The following ALK variants were observed in gnomAD, a reference collection of about 807,000 sequenced individuals.
ALK encodes the protein ALK receptor tyrosine kinase, also known as ALK tyrosine kinase receptor.
ALK carries 74 observed loss-of-function variants against 163.1 expected under a neutral mutation model. The observed-to-expected ratio is 0.45, with a 90% confidence interval of 0.38 to 0.55. The LOEUF is 0.55. ALK is among the 20% of genes least tolerant of loss of function. The probability of loss-of-function intolerance (pLI) is 0.00; values close to 1 mark genes in which losing one functional copy is unlikely to be tolerated. For synonymous variants in ALK, 960 were observed against 843.2 expected (o/e 1.14, Z -2.40); for missense variants, 2,063 against 2,105.3 (o/e 0.98, Z 0.39).
intron 4 of ALK, among the ~76,000 whole-genome samples, chr2:29,517,502 G>C (rs150743396): frequency 8.0e-4 from 122 of 152,228 alleles, no homozygotes; most frequent in Non-Finnish European, 1.4e-3. Context: ...CAGAAACCAG[G>C]ATGCCAGATA....
chr2:29,620,421 C>A (rs562269067), intron 3 of ALK, among the ~76,000 whole-genome samples: 1 of 147,880 alleles, frequency 6.8e-6, no homozygotes, highest in Non-Finnish European at 1.5e-5. Context: ...TGGCAACAAC[C>A]CTATTTTCAA....
rs182534864 is a variant in ALK, at chr2:29,734,389, C to G, written c.668-16692G>C. Among the ~76,000 whole-genome samples, 136 of 152,092 alleles carry G rather than the reference C, an allele frequency of 8.9e-4. 1 individual carries two copies. The highest frequency in any genetic ancestry group is 7.5e-3 in the Admixed American group (114 of 15,272). On this transcript the variant is annotated intron_variant, in intron 1 of 28. Transcript: ENST00000389048. Reference sequence around the variant, plus strand: ...AAAGATAAAGCTCGGGGACCACAGGCCTATAAGTTTAACAGTGCTCTTGGA... The same window carrying G: ...AAAGATAAAGCTCGGGGACCACAGGGCTATAAGTTTAACAGTGCTCTTGGA...
chr2:29,720,316 T>C (rs1679385250), intron 1 of ALK, among the ~76,000 whole-genome samples: 1 of 152,098 alleles, frequency 6.6e-6, no homozygotes, highest in Non-Finnish European at 1.5e-5. Flanking sequence ...AGCATGAGCT[T>C]AAAGCCTTTT....
chr2:29,767,831 C>G (rs1010639295), intron 1 of ALK, among the ~76,000 whole-genome samples: 1 of 152,212 alleles, frequency 6.6e-6, no homozygotes, highest in Non-Finnish European at 1.5e-5. Flanking sequence ...GGCCTGGCAT[C>G]TTGTGTCCTG....
intron 3 of ALK, among the ~76,000 whole-genome samples, chr2:29,659,653 A>G (rs1413222900): frequency 1.9e-4 from 29 of 152,142 alleles, no homozygotes; most frequent in Non-Finnish European, 1.5e-5. Context: ...CCAGCCTACC[A>G]CATAAACCAA....
At chr2:29,469,940 C>A (rs1052131592) in intron 4 of ALK, among the ~76,000 whole-genome samples, 1 of 152,040 alleles carries the variant, frequency 6.6e-6, no homozygotes, top group Non-Finnish European at 1.5e-5. Flanking sequence ...TAAAAACAGA[C>A]CTTGAAGTCT....
At chr2:29,827,773 A>G (rs1665243149) in intron 1 of ALK, among the ~76,000 whole-genome samples, 1 of 152,212 alleles carries the variant, frequency 6.6e-6, no homozygotes, top group Non-Finnish European at 1.5e-5. Flanking sequence ...TGCCATCCCC[A>G]TCAAGCTACC....
At chr2:29,594,844 C>T (rs1211157303) in intron 3 of ALK, among the ~76,000 whole-genome samples, 1 of 124,338 alleles carries the variant, frequency 8.0e-6, no homozygotes, top group Non-Finnish European at 1.6e-5. Context: ...TTTCTCACTT[C>T]TTTCAAAAGA....
chr2:29,617,429 C>A (rs1472442517), intron 3 of ALK, among the ~76,000 whole-genome samples: 2 of 152,162 alleles, frequency 1.3e-5, no homozygotes, highest in Non-Finnish European at 2.9e-5. Context: ...AAGGGGCAAA[C>A]CTTAGTTTCC....
intron 4 of ALK, among the ~76,000 whole-genome samples, chr2:29,494,745 G>A (rs1671982720): frequency 6.6e-6 from 1 of 152,116 alleles, no homozygotes; most frequent in South Asian, 2.1e-4. Flanking sequence ...CCCTTTGGAT[G>A]CCTTGATGGG....
At chr2:29,814,656 T>G (rs552334876) in intron 1 of ALK, among the ~76,000 whole-genome samples, 9 of 145,742 alleles carry the variant, frequency 6.2e-5, no homozygotes, top group African/African-American at 2.3e-4. Flanking sequence ...CAAGACTCCC[T>G]CTCCAAAAAA....
chr2:29,759,747 C>G (rs1251442765), intron 1 of ALK, among the ~76,000 whole-genome samples: 1 of 152,140 alleles, frequency 6.6e-6, no homozygotes, highest in African/African-American at 2.4e-5. Context: ...TGATAGGCAC[C>G]ATGATGAACA....
chr2:29,709,731 T>C lies in ALK; in HGVS notation c.787+7847A>G, dbSNP rs116803489. On this transcript the variant is annotated intron_variant, in intron 2 of 28. Transcript: ENST00000389048. ...TTATAGTGCGGTCACCAGCTGCTGG[T>C]TGTGAATACTTGCTATATGGTATCC... is the stretch of plus-strand genomic sequence containing the variant. Among the ~76,000 whole-genome samples, 1,209 of 152,226 alleles carry C rather than the reference T, an allele frequency of 7.9e-3. 20 individuals are homozygous for C. The highest frequency in any genetic ancestry group is 0.027 in the African/African-American group (1,106 of 41,522).
At position 29,416,238 on chromosome 2, in the gene ALK, A is replaced by G. The variant is rs553280472; in HGVS notation, c.1155-32379T>C. Among the ~76,000 whole-genome samples, 3 of 152,350 alleles carry G rather than the reference A, an allele frequency of 2.0e-5. No individual in the cohort carries two copies. In the South Asian group the frequency reaches 6.2e-4, roughly 32 times the overall value. On this transcript the variant is annotated intron_variant, in intron 4 of 28. Coordinates refer to ENST00000389048, the MANE Select transcript of ALK (RefSeq NM_004304.5). ...GGAGTGGCTGGAGGGTTGGATGGGC[A>G]CAGAGACATCTCTCTGGGTCTTCCC...
intron 4 of ALK, among the ~76,000 whole-genome samples, chr2:29,480,372 G>A (rs1297147523): frequency 6.6e-6 from 1 of 152,104 alleles, no homozygotes; most frequent in Non-Finnish European, 1.5e-5. Context: ...TAATATTTGT[G>A]ATATTATTTT....
Position 29,225,575 on chromosome 2 carries a change from AG to A in ALK, c.3068-11del. On this transcript the variant is annotated splice_polypyrimidine_tract_variant and intron_variant, in intron 18 of 28. Coordinates refer to ENST00000389048, the MANE Select transcript of ALK (RefSeq NM_004304.5). ...TCCGGGGTGGGTGACACTGGAAGAC[AG>A]GTCCCACTGGGGTATTGACAACCAC... 1 of 1,605,378 alleles carries A rather than the reference AG, an allele frequency of 6.2e-7. No individual in the cohort carries two copies. Among genetic ancestry groups the A allele is most frequent in the Non-Finnish European group, 8.5e-7 (1 of 1,176,480 alleles).
intron 1 of ALK, among the ~76,000 whole-genome samples, chr2:29,777,705 T>A (rs1215257672): frequency 6.6e-6 from 1 of 152,220 alleles, no homozygotes; most frequent in Non-Finnish European, 1.5e-5. Flanking sequence ...CTTGTTCAAA[T>A]GCAGATTTGA....
chr2:29,806,992 A>C (rs1023180997), intron 1 of ALK, among the ~76,000 whole-genome samples: 2 of 152,230 alleles, frequency 1.3e-5, no homozygotes, highest in African/African-American at 4.8e-5. Context: ...CCATAATTAA[A>C]GAGATCTTAG....
At chr2:29,209,340 A>C (rs891059508) in intron 25 of ALK, among the ~76,000 whole-genome samples, 5 of 152,094 alleles carry the variant, frequency 3.3e-5, no homozygotes, top group African/African-American at 1.2e-4. Context: ...TGGGAGTTTG[A>C]GGCCAGCCTG....
Sources: gnomAD v4.1 joint callset for allele counts (sites outside exome capture counted in the v4.1 genomes callset) on GRCh38, gnomAD v4.1.1 for gene constraint, MANE v1.5 for transcripts, NCBI Gene and HGNC (gene_info 2026-07-23, HGNC 2026-07-21) for gene names.